Variants in PDE4D observed in about 807,000 individuals in gnomAD.
PDE4D encodes the protein 3',5'-cyclic-AMP phosphodiesterase 4D.
PDE4D carries 24 observed loss-of-function variants against 87.4 expected under a neutral mutation model. The ratio of observed to expected loss-of-function variants is 0.27; its 90% CI spans 0.20 to 0.39. The LOEUF is 0.39. Ranked by LOEUF, PDE4D falls within the 10% of genes least tolerant of loss-of-function variation. The probability of loss-of-function intolerance (pLI) is 1.00; values close to 1 mark genes in which losing one functional copy is unlikely to be tolerated. For synonymous variants in PDE4D, 384 were observed against 383.2 expected, an observed-to-expected ratio of 1.00 and a Z score of -0.02; for missense variants, 714 against 1,041.0, an observed-to-expected ratio of 0.69 and a Z score of 4.32.
intron 1 of PDE4D, among the ~76,000 whole-genome samples, chr5:60,194,827 A>C (rs1423470262): frequency 6.6e-6 from 1 of 151,598 alleles, no homozygotes; most frequent in Non-Finnish European, 1.5e-5. Flanking sequence ...TCTTCTTGTC[A>C]CCAATACTGC....
intron 1 of PDE4D, among the ~76,000 whole-genome samples, chr5:59,670,680 G>A (rs1326400673): frequency 6.6e-6 from 1 of 152,078 alleles, no homozygotes; most frequent in Non-Finnish European, 1.5e-5. Flanking sequence ...TATTCAACCT[G>A]TATATGTTAA....
intron 1 of PDE4D, among the ~76,000 whole-genome samples, chr5:59,284,595 C>A (rs976016263): frequency 6.9e-6 from 1 of 144,314 alleles, no homozygotes. Context: ...GAAATAGGAA[C>A]ACTTTTACAC....
intron 1 of PDE4D, among the ~76,000 whole-genome samples, chr5:60,405,629 G>C (rs1741462201): frequency 6.6e-6 from 1 of 152,200 alleles, no homozygotes; most frequent in Admixed American, 6.5e-5. Context: ...ACATTCAAAT[G>C]CTTATGGTAT....
intron 1 of PDE4D, among the ~76,000 whole-genome samples, chr5:59,747,725 T>A (rs1759825749): frequency 6.6e-6 from 1 of 152,126 alleles, no homozygotes; most frequent in Non-Finnish European, 1.5e-5. Context: ...CCTCCTATAC[T>A]CTCAGACTGT....
chr5:59,924,800 C>T (rs527642851), intron 3 of PDE4D, among the ~76,000 whole-genome samples: 6 of 152,064 alleles, frequency 3.9e-5, no homozygotes, highest in Admixed American at 6.5e-5. Flanking sequence ...TGCAGAGAAA[C>T]GCAGGATAGT....
At chr5:59,129,850 A>C (rs1428154173) in intron 5 of PDE4D, among the ~76,000 whole-genome samples, 3 of 152,168 alleles carry the variant, frequency 2.0e-5, no homozygotes, top group African/African-American at 7.2e-5. Context: ...TCTGAGCCTC[A>C]GTTTCCTTAT....
chr5:60,303,896 T>C (rs1754180502), intron 1 of PDE4D, among the ~76,000 whole-genome samples: 1 of 152,208 alleles, frequency 6.6e-6, no homozygotes, highest in Admixed American at 6.5e-5. Flanking sequence ...AGTGAGGTGT[T>C]AAAATCTTCT....
intron 5 of PDE4D, among the ~76,000 whole-genome samples, chr5:59,138,298 GT>G (rs959558984): frequency 6.6e-6 from 1 of 151,812 alleles, no homozygotes; most frequent in African/African-American, 2.4e-5. Flanking sequence ...TTTTTGGTTT[GT>G]TTTTTTTAGA....
intron 1 of PDE4D, among the ~76,000 whole-genome samples, chr5:60,389,286 A>G (rs531295808): frequency 1.3e-5 from 2 of 152,322 alleles, no homozygotes; most frequent in South Asian, 4.1e-4. Flanking sequence ...CCATGGATGG[A>G]TGTAGAAGGT....
At chr5:59,291,738 G>GTTGTTT (rs1561894945) in intron 1 of PDE4D, among the ~76,000 whole-genome samples, 1 of 125,574 alleles carries the variant, frequency 8.0e-6, no homozygotes, top group Non-Finnish European at 1.7e-5. Context: ...GTAAAAAGAA[G>GTTGTTT]TTTTTTTTTT....
At chr5:60,135,805 A>C (rs1431810001) in intron 2 of PDE4D, among the ~76,000 whole-genome samples, 1 of 152,158 alleles carries the variant, frequency 6.6e-6, no homozygotes, top group Non-Finnish European at 1.5e-5. Context: ...AGGCTTCCTT[A>C]ATGGCCTCCT....
chr5:59,814,088 T>C (rs949748319), intron 1 of PDE4D, among the ~76,000 whole-genome samples: 1 of 152,206 alleles, frequency 6.6e-6, no homozygotes, highest in Non-Finnish European at 1.5e-5. Context: ...GTTAGAGATA[T>C]GGTTGGTGAC....
chr5:59,369,947 C>T (rs1783693193), intron 1 of PDE4D, among the ~76,000 whole-genome samples: 1 of 152,194 alleles, frequency 6.6e-6, no homozygotes, highest in Non-Finnish European at 1.5e-5. Context: ...TAAATAAAAA[C>T]ACACATTTCC....
At chr5:59,886,981 C>T (rs980575059) in intron 1 of PDE4D, among the ~76,000 whole-genome samples, 8 of 150,520 alleles carry the variant, frequency 5.3e-5, no homozygotes, top group Non-Finnish European at 1.0e-4. Flanking sequence ...CACTTAGAGG[C>T]TATTGCGATA....
At chr5:59,141,185 A>G (rs1279416405) in intron 5 of PDE4D, among the ~76,000 whole-genome samples, 1 of 152,198 alleles carries the variant, frequency 6.6e-6, no homozygotes. Flanking sequence ...ACAATTAGAC[A>G]TCCATTTATT....
intron 1 of PDE4D, among the ~76,000 whole-genome samples, chr5:59,771,564 A>C (rs186241886): frequency 6.6e-6 from 1 of 152,090 alleles, no homozygotes; most frequent in Non-Finnish European, 1.5e-5. Context: ...AGAAAGAATG[A>C]TATGGGCAAT....
chr5:60,269,826 T>C (rs2149720788), intron 1 of PDE4D, among the ~76,000 whole-genome samples: 1 of 152,334 alleles, frequency 6.6e-6, no homozygotes, highest in Middle Eastern at 3.4e-3. Context: ...GTATACACAA[T>C]ATTTATTTGT....
At chr5:59,810,599 G>T (rs141958921) in intron 1 of PDE4D, among the ~76,000 whole-genome samples, 1 of 152,172 alleles carries the variant, frequency 6.6e-6, no homozygotes, top group Admixed American at 6.5e-5. Context: ...CTTGGACCAT[G>T]CATTTGCTCC....
intron 2 of PDE4D, among the ~76,000 whole-genome samples, chr5:60,118,483 C>T (rs1486248803): frequency 6.6e-6 from 1 of 151,698 alleles, no homozygotes; most frequent in East Asian, 1.9e-4. Flanking sequence ...GTCCTCCAGG[C>T]ACTATATATG....
Sources: gnomAD v4.1 joint callset for allele counts (sites outside exome capture counted in the v4.1 genomes callset) on GRCh38, gnomAD v4.1.1 for gene constraint, MANE v1.5 for transcripts, NCBI Gene and HGNC (gene_info 2026-07-23, HGNC 2026-07-21) for gene names.